Variants in USP15 observed in about 807,000 individuals in gnomAD.
The protein encoded by USP15 is ubiquitin carboxyl-terminal hydrolase 15.
Under a neutral mutation model 127.1 loss-of-function variants are expected in USP15, and 18 were observed. The observed-to-expected ratio is 0.14, with a 90% CI of 0.10 to 0.21. USP15 has a LOEUF of 0.21. USP15 is among the 10% of genes least tolerant of loss of function. USP15 has a pLI of 1.00. For synonymous variants in USP15, 364 were observed against 393.7 expected, an observed-to-expected ratio of 0.92 and a Z score of 0.89; for missense variants, 805 against 1,159.9, an observed-to-expected ratio of 0.69 and a Z score of 4.44.
At chr12:62,392,520 G>C in intron 18 of USP15, 133 bp downstream of exon 18, 1 of 633,894 alleles carries the variant, frequency 1.6e-6, no homozygotes, top group South Asian at 2.5e-5. Flanking sequence ...CTTTATATAA[G>C]TTGTAGCCTA....
At chr12:62,306,412 C>G (rs1005022833) in intron 3 of USP15, among the ~76,000 whole-genome samples, 1 of 152,048 alleles carries the variant, frequency 6.6e-6, no homozygotes, top group African/African-American at 2.4e-5. Context: ...TTAAACAAAC[C>G]GTTAGTAGAT....
At chr12:62,367,709 A>G (rs921757501) in intron 8 of USP15, among the ~76,000 whole-genome samples, 4 of 151,350 alleles carry the variant, frequency 2.6e-5, no homozygotes, top group African/African-American at 9.7e-5. Context: ...TTTCTTCTTT[A>G]TTAGTCTGGC....
intron 8 of USP15, among the ~76,000 whole-genome samples, chr12:62,364,468 G>T (rs531687347): frequency 6.6e-6 from 1 of 152,222 alleles, no homozygotes; most frequent in African/African-American, 2.4e-5. Context: ...AGAGAAAGGG[G>T]CAAAGGAGTT....
chr12:62,292,061 C>G (rs562468114), intron 1 of USP15, among the ~76,000 whole-genome samples: 1 of 150,822 alleles, frequency 6.6e-6, no homozygotes, highest in East Asian at 2.0e-4. Context: ...GCAGAGGCAC[C>G]AGCCCTGACA....
intron 9 of USP15, among the ~76,000 whole-genome samples, chr12:62,383,518 AAAAC>A (rs1393951187): frequency 4.6e-5 from 7 of 151,944 alleles, no homozygotes; most frequent in African/African-American, 1.7e-4. Flanking sequence ...AATTAACAAC[AAAAC>A]AAACAAAAAT....
rs2067675910 is a variant in USP15, at chr12:62,401,170, T to C, written c.2675-17T>C. Reference sequence around the variant, plus strand: ...CCAAGATCATTTTCGTCACAGTGATTATATTTTTTTCATTAGATACTGCTT... The same window carrying C: ...CCAAGATCATTTTCGTCACAGTGATCATATTTTTTTCATTAGATACTGCTT... On this transcript the variant is annotated splice_polypyrimidine_tract_variant and intron_variant, in intron 20 of 21. Coordinates refer to ENST00000280377, the MANE Select transcript of USP15 (RefSeq NM_001252078.2). The C allele has an allele frequency of 1.3e-6, 2 of 1,588,248 alleles. No individual in the cohort carries two copies. Among genetic ancestry groups the C allele is most frequent in the Admixed American group, 1.7e-5 (1 of 59,186 alleles).
intron 7 of USP15, among the ~76,000 whole-genome samples, chr12:62,352,677 G>T (rs1251950415): frequency 1.3e-5 from 2 of 151,918 alleles, no homozygotes; most frequent in East Asian, 3.9e-4. Flanking sequence ...TCTGGCTCTT[G>T]ATAAATTTGT....
At chr12:62,296,375 T>A (rs555972806) in intron 2 of USP15, among the ~76,000 whole-genome samples, 1 of 152,318 alleles carries the variant, frequency 6.6e-6, no homozygotes, top group Non-Finnish European at 1.5e-5. Context: ...GGTAATTCAT[T>A]ATGTAACAGT....
chr12:62,371,322 G>A (rs1298943506), intron 8 of USP15, among the ~76,000 whole-genome samples: 1 of 152,056 alleles, frequency 6.6e-6, no homozygotes, highest in African/African-American at 2.4e-5. Context: ...CATTTCTCAT[G>A]GACAAATACG....
At chr12:62,396,508 G>T in intron 20 of USP15, 110 bp downstream of exon 20, 3 of 911,040 alleles carry the variant, frequency 3.3e-6, no homozygotes, top group Non-Finnish European at 5.2e-6. Flanking sequence ...GATGTGTCTT[G>T]CATATAGTAG....
At chr12:62,294,434 A>C in intron 2 of USP15, 128 bp downstream of exon 2, 1 of 988,036 alleles carries the variant, frequency 1.0e-6, no homozygotes, top group Non-Finnish European at 1.5e-6. Context: ...GATTTTACCT[A>C]ATGAACTCAT....
At chr12:62,317,260 G>A (rs965490203) in intron 4 of USP15, among the ~76,000 whole-genome samples, 1 of 152,118 alleles carries the variant, frequency 6.6e-6, no homozygotes, top group African/African-American at 2.4e-5. Context: ...TTATAGTACA[G>A]GTTAACAGTT....
chr12:62,341,182 G>A (rs1033646128), intron 6 of USP15, among the ~76,000 whole-genome samples: 7 of 150,270 alleles, frequency 4.7e-5, no homozygotes, highest in Admixed American at 3.3e-4. Context: ...TTTTATCAGA[G>A]ACTAGTATTT....
At chr12:62,291,452 A>G (rs544964357) in intron 1 of USP15, among the ~76,000 whole-genome samples, 9 of 152,098 alleles carry the variant, frequency 5.9e-5, no homozygotes, top group Admixed American at 2.0e-4. Flanking sequence ...GGTTTTTCAC[A>G]TTTTCCATGA....
At chr12:62,361,748 T>G (rs2066324811) in intron 8 of USP15, among the ~76,000 whole-genome samples, 1 of 152,046 alleles carries the variant, frequency 6.6e-6, no homozygotes, top group Non-Finnish European at 1.5e-5. Context: ...ATTTCAGATT[T>G]ACTTCTCTTA....
At chr12:62,334,523 AT>A (rs2065399656) in intron 6 of USP15, among the ~76,000 whole-genome samples, 1 of 152,198 alleles carries the variant, frequency 6.6e-6, no homozygotes, top group Non-Finnish European at 1.5e-5. Flanking sequence ...CATACAGTAA[AT>A]GCTGTTGAAC....
chr12:62,290,279 T>C (rs1481346255), intron 1 of USP15, among the ~76,000 whole-genome samples: 1 of 152,234 alleles, frequency 6.6e-6, no homozygotes, highest in Non-Finnish European at 1.5e-5. Flanking sequence ...ATTAGTTTTA[T>C]GAATCTGGGT....
rs745749095 is a variant in USP15 at position 62,406,729 on chromosome 12, G to A, written c.*2354G>A. 2.0e-5 allele frequency: 3 copies of A among 152,546 alleles called. No individual in the cohort carries two copies. The highest frequency in any genetic ancestry group is 6.8e-3 in the Middle Eastern group (2 of 292). The allele number at this position is 152,546 out of a possible 1,614,324, so 9.4% of individuals were successfully genotyped here. Reference sequence around the variant, plus strand: ...AATCCCAGCACTTTGGGAGACTCAGGCGGGAGGATCACTTGAGCCCAGGAG... The same window carrying A: ...AATCCCAGCACTTTGGGAGACTCAGACGGGAGGATCACTTGAGCCCAGGAG... On this transcript the variant is annotated 3_prime_UTR_variant, in exon 22 of 22. Coordinates refer to ENST00000280377, the MANE Select transcript of USP15 (RefSeq NM_001252078.2).
At chr12:62,336,996 G>A (rs373955014) in intron 6 of USP15, among the ~76,000 whole-genome samples, 3 of 152,108 alleles carry the variant, frequency 2.0e-5, no homozygotes, top group East Asian at 3.8e-4. Context: ...TTGGTCATTT[G>A]GGAAATATTC....
Sources: allele counts gnomAD v4.1 joint callset (sites outside exome capture counted in the v4.1 genomes callset), GRCh38; gene constraint gnomAD v4.1.1; transcripts MANE v1.5; gene names NCBI Gene and HGNC (gene_info 2026-07-23, HGNC 2026-07-21).